The following TMEM117 variants were observed in gnomAD, a reference collection of about 807,000 sequenced individuals.
TMEM117 encodes the protein transmembrane protein 117.
TMEM117 carries 27 observed loss-of-function variants against 52.4 expected under a neutral mutation model. The observed-to-expected ratio is 0.51, with a 90% confidence interval of 0.38 to 0.71. The LOEUF (loss-of-function observed/expected upper bound fraction) is 0.71. TMEM117 is among the 30% of genes least tolerant of loss of function. TMEM117 has a pLI of 0.00. For missense variants in TMEM117, 556 were observed against 630.5 expected (o/e 0.88, Z 1.26); for synonymous variants, 215 against 206.3 (o/e 1.04, Z -0.36).
chr12:43,957,199 G>T (rs764725595), intron 3 of TMEM117, among the ~76,000 whole-genome samples: 1 of 152,038 alleles, frequency 6.6e-6, no homozygotes, highest in African/African-American at 2.4e-5. Flanking sequence ...GCTGATGCAC[G>T]CTGGGCTTAA....
At chr12:44,239,823 A>G (rs150564679) in intron 5 of TMEM117, among the ~76,000 whole-genome samples, 149 of 152,234 alleles carry the variant, frequency 9.8e-4, no homozygotes, top group African/African-American at 3.5e-3. Flanking sequence ...TAAAAAAAAG[A>G]TAGTTGCTAT....
At chr12:44,224,103 A>G (rs988564624) in intron 5 of TMEM117, among the ~76,000 whole-genome samples, 1 of 151,966 alleles carries the variant, frequency 6.6e-6, no homozygotes, top group African/African-American at 2.4e-5. Context: ...CTTCATTCTC[A>G]TCCCATGTTT....
intron 6 of TMEM117, among the ~76,000 whole-genome samples, chr12:44,358,723 T>G (rs1951683620): frequency 1.3e-5 from 2 of 152,108 alleles, no homozygotes; most frequent in Admixed American, 6.6e-5. Flanking sequence ...ACATGAAAAC[T>G]GAAATGTTCT....
the TMEM117 span, among the ~76,000 whole-genome samples, chr12:43,828,254 C>G: frequency 1.3e-5 from 2 of 152,248 alleles, no homozygotes; most frequent in Admixed American, 6.5e-5. Flanking sequence ...ATTATAATAC[C>G]TAAAGCATAT....
chr12:44,222,479 C>T (rs1242820279), intron 5 of TMEM117, among the ~76,000 whole-genome samples: 3 of 152,198 alleles, frequency 2.0e-5, no homozygotes, highest in Non-Finnish European at 2.9e-5. Context: ...CCTTGGGCTA[C>T]AGTCAGAGAA....
intron 2 of TMEM117, among the ~76,000 whole-genome samples, chr12:43,917,591 C>A (rs775114059): frequency 6.6e-6 from 1 of 152,110 alleles, no homozygotes; most frequent in African/African-American, 2.4e-5. Flanking sequence ...CAAGCCCTCA[C>A]CTTTACCCAT....
At chr12:44,367,395 C>T (rs529236893) in intron 6 of TMEM117, among the ~76,000 whole-genome samples, 2 of 152,130 alleles carry the variant, frequency 1.3e-5, no homozygotes, top group Non-Finnish European at 2.9e-5. Context: ...GCATTAGACA[C>T]AAGTTGATCA....
rs1320896726 is a variant in TMEM117 at position 44,224,335 on chromosome 12, C to A, written c.608+12948C>A. ...TTTTATTTGTTAATCTGCCCAAGAA[C>A]CCAAAATATACAAGTTCTTTAAATT... is the stretch of plus-strand genomic sequence containing the variant. On this transcript the variant is annotated intron_variant, in intron 5 of 7. Coordinates refer to ENST00000266534, the MANE Select transcript of TMEM117 (RefSeq NM_032256.3). Among the ~76,000 whole-genome samples the A allele has an allele frequency of 2.0e-5, 3 of 152,240 alleles. No homozygotes were observed. In the East Asian group the frequency reaches 5.8e-4, roughly 29 times the overall value.
At chr12:44,390,060 T>A (rs1952151302), downstream of TMEM117, among the ~76,000 whole-genome samples, 1 of 152,154 alleles carries the variant, frequency 6.6e-6, no homozygotes, top group Non-Finnish European at 1.5e-5. Flanking sequence ...TTAGCATGCA[T>A]AATAGAACTA....
intron 6 of TMEM117, among the ~76,000 whole-genome samples, chr12:44,334,089 T>G (rs1020032684): frequency 1.3e-5 from 2 of 152,082 alleles, no homozygotes; most frequent in Non-Finnish European, 2.9e-5. Context: ...ACACATAATG[T>G]GCATTTAGTA....
intron 6 of TMEM117, among the ~76,000 whole-genome samples, chr12:44,363,250 G>T (rs900652659): frequency 3.9e-5 from 6 of 152,098 alleles, no homozygotes. Flanking sequence ...AATAAAACCT[G>T]CCATGTAGTA....
intron 6 of TMEM117, among the ~76,000 whole-genome samples, chr12:44,317,459 A>G (rs927449352): frequency 8.6e-5 from 13 of 151,938 alleles, no homozygotes; most frequent in African/African-American, 2.9e-4. Context: ...AAATGGCGCA[A>G]TCTCAGCTTA....
chr12:44,223,259 AT>A (rs544396572), intron 5 of TMEM117, among the ~76,000 whole-genome samples: 240 of 146,364 alleles, frequency 1.6e-3, no homozygotes, highest in East Asian at 3.2e-3. Flanking sequence ...GAAGGGAAAG[AT>A]TTTTTTTTTT....
intron 3 of TMEM117, among the ~76,000 whole-genome samples, chr12:44,039,409 T>C (rs1280420907): frequency 1.0e-4 from 15 of 149,740 alleles, no homozygotes. Flanking sequence ...TATATAACTA[T>C]ATTAATAATT....
intron 3 of TMEM117, among the ~76,000 whole-genome samples, chr12:43,987,982 A>G (rs909419179): frequency 1.3e-5 from 2 of 152,138 alleles, no homozygotes; most frequent in Admixed American, 6.6e-5. Context: ...GCAAACCACC[A>G]GTTTCAATTT....
chr12:44,338,431 C>T (rs1002101119), intron 6 of TMEM117, among the ~76,000 whole-genome samples: 7 of 151,960 alleles, frequency 4.6e-5, no homozygotes, highest in African/African-American at 1.4e-4. Flanking sequence ...AGGTAATACA[C>T]TGCATTATGA....
intron 3 of TMEM117, among the ~76,000 whole-genome samples, chr12:43,971,382 G>A (rs1319076466): frequency 3.9e-5 from 6 of 152,126 alleles, no homozygotes; most frequent in Non-Finnish European, 7.3e-5. Context: ...ACTACTCTAA[G>A]TAACGGCCCC....
At chr12:44,242,623 T>C (rs1950076888) in intron 5 of TMEM117, among the ~76,000 whole-genome samples, 1 of 149,486 alleles carries the variant, frequency 6.7e-6, no homozygotes, top group African/African-American at 2.4e-5. Flanking sequence ...GTCTTTATGA[T>C]AGAATGAATT....
chr12:44,201,082 T>G (rs1949490000), intron 4 of TMEM117, among the ~76,000 whole-genome samples: 1 of 152,168 alleles, frequency 6.6e-6, no homozygotes, highest in Admixed American at 6.6e-5. Context: ...TTATATTGAA[T>G]TTTTTAAAAT....
Sources: allele counts gnomAD v4.1 joint callset (sites outside exome capture counted in the v4.1 genomes callset), GRCh38; gene constraint gnomAD v4.1.1; transcripts MANE v1.5; gene names NCBI Gene and HGNC (gene_info 2026-07-23, HGNC 2026-07-21).